The following DNMT3B variants were observed in gnomAD, a reference collection of about 807,000 sequenced individuals.
DNMT3B encodes the protein DNA (cytosine-5)-methyltransferase 3B.
Under a neutral mutation model 120.2 loss-of-function variants are expected in DNMT3B, and 37 were observed. The ratio of observed to expected loss-of-function variants is 0.31; its 90% CI spans 0.24 to 0.40. DNMT3B has a LOEUF of 0.40. Ranked by LOEUF, DNMT3B falls within the 10% of genes least tolerant of loss-of-function variation. DNMT3B has a pLI of 1.00. For synonymous variants in DNMT3B, 412 were observed against 442.8 expected (o/e 0.93, Z 0.87); for missense variants, 878 against 1,137.3 (o/e 0.77, Z 3.28).
rs121908940 is a variant in DNMT3B, at chr20:32,807,793, G to A, written c.2452G>A (p.Val818Met). Residue 818 changes from valine to methionine, a missense_variant, in exon 23 of 23, where the codon GTG becomes ATG. Val to Met is a conservative substitution (Grantham distance 21, BLOSUM62 1). Around this residue, in one of 4 missense-constraint regions of DNMT3B, gnomAD observed 334 missense variants for 518.8 expected, o/e 0.64. Transcript: ENST00000328111. ...TGGCTTTCCTGTGCACTACACAGACGTGTCCAACATGGGCCGTGGTGCCCG... is the reference window on the plus strand; with the variant it reads ...TGGCTTTCCTGTGCACTACACAGACATGTCCAACATGGGCCGTGGTGCCCG... ...IFGFPVHYTD[V>M]SNMGRGARQK... 4.0e-5 allele frequency: 64 copies of A among 1,614,042 alleles called. No individual in the cohort carries two copies. The highest frequency in any genetic ancestry group is 5.0e-5 in the Non-Finnish European group (59 of 1,180,048).
At chr20:32,795,272 C>A in intron 10 of DNMT3B, 137 bp from the exon 11 acceptor site, 1 of 1,339,180 alleles carries the variant, frequency 7.5e-7, no homozygotes, top group Non-Finnish European at 1.1e-6. Context: ...ATCAAGGGGC[C>A]ATATACATTC....
At chr20:32,797,354 T>G in intron 14 of DNMT3B, 55 bp downstream of exon 14, 3 of 1,541,202 alleles carry the variant, frequency 1.9e-6, no homozygotes, top group Non-Finnish European at 2.7e-6. Flanking sequence ...GCTCCTACGT[T>G]CCTGCAGTCT....
rs1244859984 is a variant in DNMT3B, at chr20:32,762,521, G to GCGGCAACGCTGCCCGGC, written c.-179_-163dup. ...GGCTCCCTGGCGGTCGGGCGAGCGG[G>GCGGCAACGCTGCCCGGC]CGGCAACGCTGCCCGGCCGGCAGCG... On this transcript the variant is annotated 5_prime_UTR_variant, in exon 1 of 23. Transcript: ENST00000328111. 6.4e-6 allele frequency: 2 copies of GCGGCAACGCTGCCCGGC among 312,134 alleles called. No homozygotes were observed. The highest frequency in any genetic ancestry group is 2.2e-5 in the African/African-American group (1 of 44,650). 19.3% of individuals were successfully genotyped at this position (312,134 alleles called of 1,614,324 possible). A position where few individuals can be genotyped will look rare whatever the true frequency, so the allele number is the denominator to read the frequency against.
In DNMT3B at chr20:32,780,455, G is replaced by A. The variant is rs138805251; in HGVS notation, c.132G>A (p.Pro44=). The A allele has an allele frequency of 2.4e-5, 38 of 1,612,654 alleles. 1 individual carries two copies. The highest frequency in any genetic ancestry group is 8.8e-5 in the South Asian group (8 of 91,042). Residue 44 remains proline (P), a synonymous_variant, in exon 2 of 23, where the codon CCG becomes CCA. Coordinates refer to ENST00000328111, the MANE Select transcript of DNMT3B (RefSeq NM_006892.4). ...SPPILEAIRT[P]EIRGRRSSSR... ...CAATCCTGGAGGCTATCCGCACCCC[G>A]GAGATCAGAGGTGGCTGGGCAGTGG...
At chr20:32,791,390 CT>C (rs540520276) in intron 7 of DNMT3B, among the ~76,000 whole-genome samples, 102 of 152,204 alleles carry the variant, frequency 6.7e-4, no homozygotes, top group African/African-American at 2.4e-3. Flanking sequence ...TAACAAGGTT[CT>C]GGATATCTGT....
intron 6 of DNMT3B, 64 bp from the exon 7 acceptor site, chr20:32,788,790 G>A (rs1979628766): frequency 1.5e-5 from 24 of 1,606,402 alleles, no homozygotes; most frequent in Non-Finnish European, 2.0e-5. Context: ...ACAGTGGAGT[G>A]GACAGGACTT....
At chr20:32,779,942 G>C (rs1978372669) in intron 1 of DNMT3B, 1 of 794,474 alleles carries the variant, frequency 1.3e-6, no homozygotes, top group African/African-American at 1.7e-5. Context: ...GAGGGGGCCA[G>C]GGCCAGAGGG....
chr20:32,765,779 G>A (rs1476886413), intron 1 of DNMT3B, among the ~76,000 whole-genome samples: 2 of 112,094 alleles, frequency 1.8e-5, no homozygotes, highest in African/African-American at 3.7e-5. Flanking sequence ...TTTTTGAGAC[G>A]GAGTCTGGCT....
At position 32,792,170 on chromosome 20, in the gene DNMT3B, T is replaced by C. The variant is rs145737764; in HGVS notation, c.922-456T>C. ...TTAAGAGCCAACCTCTTCTCATTGCTAAAGGCTTCATTAGACACTGAAATC... is the reference window on the plus strand; with the variant it reads ...TTAAGAGCCAACCTCTTCTCATTGCCAAAGGCTTCATTAGACACTGAAATC... On this transcript the variant is annotated intron_variant, in intron 8 of 22. Coordinates refer to ENST00000328111, the MANE Select transcript of DNMT3B (RefSeq NM_006892.4). Among the ~76,000 whole-genome samples, 248 of 152,340 alleles carry C rather than the reference T, an allele frequency of 1.6e-3. 1 individual carries two copies. Among genetic ancestry groups the C allele is most frequent in the Non-Finnish European group, 2.9e-3 (199 of 68,030 alleles).
intron 4 of DNMT3B, among the ~76,000 whole-genome samples, chr20:32,786,037 C>T (rs1337222192): frequency 6.6e-6 from 1 of 152,146 alleles, no homozygotes; most frequent in Non-Finnish European, 1.5e-5. Context: ...GCACCCACCA[C>T]CATGCCTGGC....
chr20:32,777,837 A>T (rs1019597524), intron 1 of DNMT3B, among the ~76,000 whole-genome samples: 3 of 152,222 alleles, frequency 2.0e-5, no homozygotes, highest in Admixed American at 2.0e-4. Context: ...AGGGCTGAGA[A>T]GCAGCTGATT....
Position 32,780,432 on chromosome 20 carries a change from A to G in DNMT3B, c.109A>G (p.Ile37Val). Residue 37 changes from isoleucine (I) to valine (V), a missense_variant, in exon 2 of 23, where the codon ATC becomes GTC. By Grantham distance (29) the Ile-to-Val change is conservative. Coordinates refer to ENST00000328111, the MANE Select transcript of DNMT3B (RefSeq NM_006892.4). ...CSDQSSDSPP[I>V]LEAIRTPEIR... ...CGACCAGTCCTCCGACTCGCCCCCA[A>G]TCCTGGAGGCTATCCGCACCCCGGA... 3 of 1,613,606 alleles carry G rather than the reference A, an allele frequency of 1.9e-6. No individual in the cohort carries two copies. Among genetic ancestry groups the G allele is most frequent in the Non-Finnish European group, 2.5e-6 (3 of 1,179,960 alleles).
chr20:32,778,742 C>A (rs1238593554), intron 1 of DNMT3B, among the ~76,000 whole-genome samples: 1 of 152,206 alleles, frequency 6.6e-6, no homozygotes, highest in Non-Finnish European at 1.5e-5. Context: ...GGGAGGATCC[C>A]TTGAGGCCAG....
intron 7 of DNMT3B, among the ~76,000 whole-genome samples, chr20:32,791,222 G>A (rs552618251): frequency 6.6e-6 from 1 of 152,296 alleles, no homozygotes; most frequent in African/African-American, 2.4e-5. Flanking sequence ...AGGAATATGT[G>A]CAAACCCTCA....
At chr20:32,799,132 G>A (rs1981012413) in intron 15 of DNMT3B, 112 bp from the exon 16 acceptor site, 1 of 1,199,066 alleles carries the variant, frequency 8.3e-7, no homozygotes, top group Non-Finnish European at 1.2e-6. Flanking sequence ...GCTTTTTGCA[G>A]TGGCTACGGC....
At chr20:32,799,140 G>T in intron 15 of DNMT3B, 104 bp from the exon 16 acceptor site, 1 of 1,296,778 alleles carries the variant, frequency 7.7e-7, no homozygotes, top group South Asian at 1.3e-5. Context: ...CAGTGGCTAC[G>T]GCAAGGTTTG....
intron 12 of DNMT3B, among the ~76,000 whole-genome samples, chr20:32,795,906 A>G (rs1487169356): frequency 6.6e-6 from 1 of 152,252 alleles, no homozygotes; most frequent in Admixed American, 6.5e-5. Flanking sequence ...CAGGAAGGGT[A>G]TGGTGAGGAA....
chr20:32,784,955 T>A (rs1979089156), intron 4 of DNMT3B, 96 bp downstream of exon 4: 1 of 1,215,586 alleles, frequency 8.2e-7, no homozygotes, highest in South Asian at 1.3e-5. Flanking sequence ...TTAGGGGAGC[T>A]TTTAAGAGAA....
At chr20:32,781,898 G>GTTGT (rs1978669012) in intron 3 of DNMT3B, among the ~76,000 whole-genome samples, 1 of 152,190 alleles carries the variant, frequency 6.6e-6, no homozygotes, top group Non-Finnish European at 1.5e-5. Context: ...TATCACAGTG[G>GTTGT]TTGTGTTCAA....
Sources: allele counts gnomAD v4.1 joint callset (sites outside exome capture counted in the v4.1 genomes callset), GRCh38; gene constraint gnomAD v4.1.1; regional missense constraint gnomAD v4.1.1; transcripts MANE v1.5; gene names NCBI Gene and HGNC (gene_info 2026-07-23, HGNC 2026-07-21).